PTGIS: variants seen among roughly 807,000 people sequenced by gnomAD.
PTGIS encodes the protein prostacyclin synthase.
A neutral mutation model predicts 50.3 loss-of-function variants in PTGIS; 45 were observed. The observed-to-expected ratio is 0.90, with a 90% CI of 0.70 to 1.15. The LOEUF (loss-of-function observed/expected upper bound fraction) is 1.15, where lower values mean the gene tolerates loss of function less well. Ranked by LOEUF, PTGIS falls within the 50% of genes most tolerant of loss-of-function variation. The pLI is 0.00. For missense variants in PTGIS, 668 were observed against 661.3 expected, an observed-to-expected ratio of 1.01 and a Z score of -0.11; for synonymous variants, 260 against 267.7, an observed-to-expected ratio of 0.97 and a Z score of 0.28.
intron 5 of PTGIS, among the ~76,000 whole-genome samples, chr20:49,536,959 T>G (rs1190243145): frequency 1.3e-5 from 2 of 151,942 alleles, no homozygotes; most frequent in African/African-American, 4.8e-5. Flanking sequence ...TCTTAGCCAC[T>G]CCCCTCCACG....
chr20:49,507,721 A>T lies in PTGIS; in HGVS notation c.*199T>A. On this transcript the variant is annotated 3_prime_UTR_variant, in exon 10 of 10. Transcript: ENST00000244043. ...AAGAAAACTTTGCAGTGGATAATCCATAGAGCTTTCAATGTCTTTTCTTTG... is the reference window on the plus strand; with the variant it reads ...AAGAAAACTTTGCAGTGGATAATCCTTAGAGCTTTCAATGTCTTTTCTTTG... 1.4e-6 allele frequency: 1 copy of T among 728,258 alleles called. No homozygotes were observed. The highest frequency in any genetic ancestry group is 2.3e-6 in the Non-Finnish European group (1 of 440,048). 45.1% of individuals were successfully genotyped at this position (728,258 alleles called of 1,614,324 possible). A position where few individuals can be genotyped will look rare whatever the true frequency, so the allele number is the denominator to read the frequency against.
At chr20:49,560,017 C>T (rs376236387) in intron 1 of PTGIS, among the ~76,000 whole-genome samples, 153 of 151,924 alleles carry the variant, frequency 1.0e-3, no homozygotes, top group African/African-American at 2.9e-3. Context: ...CTGCACCTCC[C>T]GGGTTCAAGC....
intron 1 of PTGIS, among the ~76,000 whole-genome samples, chr20:49,560,637 C>G (rs928630258): frequency 2.0e-5 from 3 of 152,172 alleles, no homozygotes; most frequent in Non-Finnish European, 4.4e-5. Flanking sequence ...GCCACGTGAG[C>G]AAAGACCAGA....
chr20:49,509,781 T>C (rs1981258837), intron 9 of PTGIS, among the ~76,000 whole-genome samples: 2 of 151,426 alleles, frequency 1.3e-5, no homozygotes, highest in South Asian at 4.2e-4. Flanking sequence ...GGTTCTTCTC[T>C]CTCTCTCTTT....
chr20:49,549,105 A>G (rs1982441472), intron 2 of PTGIS, among the ~76,000 whole-genome samples: 2 of 152,158 alleles, frequency 1.3e-5, no homozygotes, highest in Non-Finnish European at 2.9e-5. Flanking sequence ...TGTTGGGTGG[A>G]TAGTGGCAGA....
At chr20:49,533,907 G>T in intron 5 of PTGIS, among the ~76,000 whole-genome samples, 1 of 152,148 alleles carries the variant, frequency 6.6e-6, no homozygotes, top group East Asian at 1.9e-4. Context: ...GTTGCAGTGA[G>T]CTAAGATCGT....
At chr20:49,550,309 G>T in intron 1 of PTGIS, 120 bp from the exon 2 acceptor site, 1 of 1,319,774 alleles carries the variant, frequency 7.6e-7, no homozygotes, top group East Asian at 2.3e-5. Flanking sequence ...GGAGCACTCG[G>T]GGACTATTGC....
chr20:49,565,174 G>A (rs2122912408), intron 1 of PTGIS, among the ~76,000 whole-genome samples: 1 of 151,600 alleles, frequency 6.6e-6, no homozygotes. Context: ...GTAGCGATGA[G>A]GTTTCACCGT....
rs1981498910 is a variant in PTGIS, at chr20:49,517,022, T to G, written c.856-2627A>C. On this transcript the variant is annotated intron_variant, in intron 6 of 9. Transcript: ENST00000244043. ...GGGGGTAACATTGCCACCTCCTGGG[T>G]GGACGCAAGGGTCCAGTGAGGCTGA... Among the ~76,000 whole-genome samples the G allele has an allele frequency of 2.0e-5, 3 of 152,172 alleles. No individual in the cohort carries two copies. The South Asian group carries it at 6.2e-4, about 32-fold the overall frequency.
At position 49,544,285 on chromosome 20, in the gene PTGIS, TG is replaced by T; in HGVS notation, c.521+19del. On this transcript the variant is annotated intron_variant, in intron 4 of 9. Transcript: ENST00000244043. ...AAAGTGCCGGGCCCCAGCAGGAGGG[TG>T]GGGGCTGCACAGCCTCACCTGAGCA... The T allele has an allele frequency of 1.9e-6, 3 of 1,613,364 alleles. No homozygotes were observed. Among genetic ancestry groups the T allele is most frequent in the Non-Finnish European group, 1.7e-6 (2 of 1,179,698 alleles).
intron 5 of PTGIS, among the ~76,000 whole-genome samples, chr20:49,530,089 G>T (rs1047087050): frequency 1.3e-5 from 2 of 151,150 alleles, no homozygotes; most frequent in African/African-American, 4.9e-5. Context: ...GGGGGGCGGA[G>T]GTTGTGGTGA....
At chr20:49,523,807 A>C (rs1981718263) in intron 6 of PTGIS, among the ~76,000 whole-genome samples, 2 of 152,174 alleles carry the variant, frequency 1.3e-5, no homozygotes, top group South Asian at 4.1e-4. Flanking sequence ...AGAATACCGA[A>C]TGAATGTTTC....
rs1452422039 is a variant in PTGIS, at chr20:49,540,400, T to C, written c.522-679A>G. Among the ~76,000 whole-genome samples the C allele has an allele frequency of 6.6e-6, 1 of 151,834 alleles. No individual in the cohort carries two copies. The highest frequency in any genetic ancestry group is 1.5e-5 in the Non-Finnish European group (1 of 67,936). On this transcript the variant is annotated intron_variant, in intron 4 of 9. Transcript: ENST00000244043. The surrounding 1 kb of genome is among the most constrained non-coding windows in gnomAD (Gnocchi z 4.8). Reference sequence around the variant, plus strand: ...CACAGCCTGTGCAAAGGCCCAGAGCTGAGAGTGCAACCGTGCCTGGTGGGA... The same window carrying C: ...CACAGCCTGTGCAAAGGCCCAGAGCCGAGAGTGCAACCGTGCCTGGTGGGA...
intron 1 of PTGIS, among the ~76,000 whole-genome samples, chr20:49,552,099 A>G (rs1191356033): frequency 6.6e-6 from 1 of 152,154 alleles, no homozygotes; most frequent in Admixed American, 6.5e-5. Flanking sequence ...AGAGTGTAAA[A>G]AGACAAGTTC....
At chr20:49,561,714 C>G (rs1239287709) in intron 1 of PTGIS, among the ~76,000 whole-genome samples, 1 of 152,164 alleles carries the variant, frequency 6.6e-6, no homozygotes, top group African/African-American at 2.4e-5. Context: ...CTCCATGCCT[C>G]TATTTCCTCA....
At chr20:49,510,912 A>C in intron 9 of PTGIS, 116 bp downstream of exon 9, 1 of 958,040 alleles carries the variant, frequency 1.0e-6, no homozygotes, top group Non-Finnish European at 1.6e-6. Context: ...CGGGCTGTCC[A>C]TGTGAAGCCT....
intron 8 of PTGIS, among the ~76,000 whole-genome samples, chr20:49,512,290 T>C (rs942097029): frequency 6.6e-6 from 1 of 151,822 alleles, no homozygotes; most frequent in African/African-American, 2.4e-5. Context: ...AATTTGTGAA[T>C]GGATGAATGG....
chr20:49,529,355 C>T (rs971530171), intron 5 of PTGIS, among the ~76,000 whole-genome samples: 3 of 152,198 alleles, frequency 2.0e-5, no homozygotes, highest in South Asian at 4.2e-4. Context: ...TGACATAATG[C>T]GGTATTTGAT....
chr20:49,518,193 G>A (rs1376852095), intron 6 of PTGIS, among the ~76,000 whole-genome samples: 1 of 152,192 alleles, frequency 6.6e-6, no homozygotes, highest in South Asian at 2.1e-4. Flanking sequence ...AGATTCCAAC[G>A]GAATAAAAGA....
Sources: gnomAD v4.1 joint callset for allele counts (sites outside exome capture counted in the v4.1 genomes callset) on GRCh38, gnomAD v4.1.1 for gene constraint, Gnocchi (gnomAD v3.1) non-coding constraint, MANE v1.5 for transcripts, NCBI Gene and HGNC (gene_info 2026-07-23, HGNC 2026-07-21) for gene names.